FRAS1: variants seen among roughly 807,000 people sequenced by gnomAD.
The protein encoded by FRAS1 is extracellular matrix organizing protein FRAS1.
A neutral mutation model predicts 435.2 loss-of-function variants in FRAS1; 290 were observed. That is an observed-to-expected ratio of 0.67 (90% CI 0.61 to 0.73). The LOEUF is 0.73. Ranked by LOEUF, FRAS1 falls within the 30% of genes least tolerant of loss-of-function variation. FRAS1 has a pLI of 0.00. For synonymous variants in FRAS1, 1,800 were observed against 1,851.0 expected (o/e 0.97, Z 0.71); for missense variants, 4,860 against 5,001.5 (o/e 0.97, Z 0.85).
chr4:78,094,432 A>G (rs1195041362), intron 2 of FRAS1, among the ~76,000 whole-genome samples: 3 of 151,862 alleles, frequency 2.0e-5, no homozygotes, highest in Non-Finnish European at 4.4e-5. Flanking sequence ...GATATTTTGG[A>G]TCTTTTTTTC....
chr4:78,283,803 A>T (rs1038958678), intron 12 of FRAS1, among the ~76,000 whole-genome samples: 4 of 152,294 alleles, frequency 2.6e-5, no homozygotes, highest in African/African-American at 7.2e-5. Flanking sequence ...AACATTTAGC[A>T]TATTATTATG....
intron 20 of FRAS1, among the ~76,000 whole-genome samples, chr4:78,342,605 A>G (rs1219995807): frequency 6.6e-6 from 1 of 152,158 alleles, no homozygotes; most frequent in Non-Finnish European, 1.5e-5. Flanking sequence ...CCAAAGCCTG[A>G]GGTGCTTTCT....
At chr4:78,215,829 A>T (rs557221042) in intron 2 of FRAS1, among the ~76,000 whole-genome samples, 1 of 152,284 alleles carries the variant, frequency 6.6e-6, no homozygotes, top group South Asian at 2.1e-4. Context: ...TGTATTGACT[A>T]CATTTTGTTT....
chr4:78,437,520 A>G (rs537151151), intron 38 of FRAS1, among the ~76,000 whole-genome samples: 1 of 152,200 alleles, frequency 6.6e-6, no homozygotes, highest in Non-Finnish European at 1.5e-5. Context: ...AATATGGAAA[A>G]TTCAGTGATC....
chr4:78,182,190 A>G, intron 2 of FRAS1: 1 of 650,768 alleles, frequency 1.5e-6, no homozygotes, highest in Admixed American at 3.5e-5. Context: ...ATAGAATTAT[A>G]TTTGTAAGAA....
At chr4:78,174,545 G>T (rs1721684946) in intron 2 of FRAS1, among the ~76,000 whole-genome samples, 1 of 152,204 alleles carries the variant, frequency 6.6e-6, no homozygotes, top group Non-Finnish European at 1.5e-5. Flanking sequence ...AGTATGGAAG[G>T]GAGGGAAAAG....
intron 14 of FRAS1, among the ~76,000 whole-genome samples, chr4:78,292,646 C>T (rs369056): frequency 0.039 from 5,885 of 152,246 alleles, 359 homozygotes; most frequent in African/African-American, 0.13. Context: ...GGGTGGACCT[C>T]TTGACAATGG....
At chr4:78,318,752 G>T (rs1729376158) in intron 17 of FRAS1, 58 bp from the exon 18 acceptor site, 1 of 1,484,846 alleles carries the variant, frequency 6.7e-7, no homozygotes, top group South Asian at 1.4e-5. Flanking sequence ...TTTAATGAAA[G>T]ATTTGCAACA....
intron 54 of FRAS1, among the ~76,000 whole-genome samples, chr4:78,477,087 T>C (rs1719874821): frequency 6.6e-6 from 1 of 152,132 alleles, no homozygotes; most frequent in Non-Finnish European, 1.5e-5. Context: ...TGGGCTAAAT[T>C]GATTCACATT....
chr4:78,257,403 C>T (rs1725845026), intron 6 of FRAS1, among the ~76,000 whole-genome samples: 1 of 152,072 alleles, frequency 6.6e-6, no homozygotes, highest in South Asian at 2.1e-4. Flanking sequence ...TAACATCAAG[C>T]CTTCCAAGAA....
intron 2 of FRAS1, among the ~76,000 whole-genome samples, chr4:78,092,785 G>T (rs1741598034): frequency 6.6e-6 from 1 of 152,148 alleles, no homozygotes; most frequent in Non-Finnish European, 1.5e-5. Context: ...GCAAAATTTG[G>T]CACTTTTGCC....
At chr4:78,321,840 A>AG (rs959348784) in intron 18 of FRAS1, among the ~76,000 whole-genome samples, 2 of 141,466 alleles carry the variant, frequency 1.4e-5, no homozygotes, top group Admixed American at 1.4e-4. Flanking sequence ...AACTTCGTCA[A>AG]AAAAAAAAAA....
At chr4:78,265,464 G>A (rs1398089065) in intron 7 of FRAS1, among the ~76,000 whole-genome samples, 1 of 152,102 alleles carries the variant, frequency 6.6e-6, no homozygotes, top group Non-Finnish European at 1.5e-5. Context: ...TGGATTTTAT[G>A]CATTGACATC....
chr4:78,089,627 A>G (rs1180959785), intron 2 of FRAS1, among the ~76,000 whole-genome samples: 2 of 144,132 alleles, frequency 1.4e-5, no homozygotes, highest in Non-Finnish European at 3.1e-5. Context: ...TTGACTTCTC[A>G]TTTTGTTTAC....
intron 2 of FRAS1, among the ~76,000 whole-genome samples, chr4:78,157,402 G>C (rs1720941955): frequency 6.6e-6 from 1 of 152,154 alleles, no homozygotes. Flanking sequence ...ATTTCCAAAT[G>C]CTTTCCATAG....
intron 11 of FRAS1, 66 bp downstream of exon 11, chr4:78,281,499 A>G (rs1727330647): frequency 2.9e-6 from 3 of 1,024,084 alleles, no homozygotes; most frequent in Non-Finnish European, 4.2e-6. Context: ...GATCTGCATG[A>G]AATATCATGG....
At chr4:78,243,148 GACAT>G (rs1307095786) in intron 3 of FRAS1, among the ~76,000 whole-genome samples, 1 of 152,074 alleles carries the variant, frequency 6.6e-6, no homozygotes, top group Non-Finnish European at 1.5e-5. Context: ...AGATAATAAT[GACAT>G]TTACTTAATA....
chr4:78,452,317 G>A lies in FRAS1; in HGVS notation c.6726G>A (p.Gln2242=), dbSNP rs761562615. Reference sequence around the variant, plus strand: ...AATTGATCTACAGAATCACCAGACAGCCCCAGCTGGGCCACTTGGAACATG... The same window carrying A: ...AATTGATCTACAGAATCACCAGACAACCCCAGCTGGGCCACTTGGAACATG... ...PTELIYRITR[Q]PQLGHLEHAA... is the part of the protein sequence containing the mutation. The change falls in exon 47 of 74, where the codon CAG becomes CAA. Residue 2242 remains glutamine, a synonymous_variant. Coordinates refer to ENST00000512123, the MANE Select transcript of FRAS1 (RefSeq NM_025074.7). The A allele has an allele frequency of 2.3e-5, 37 of 1,610,102 alleles. No individual in the cohort carries two copies. The highest frequency in any genetic ancestry group is 3.1e-5 in the Non-Finnish European group (36 of 1,178,946).
intron 71 of FRAS1, among the ~76,000 whole-genome samples, chr4:78,535,864 C>T (rs1467720668): frequency 6.6e-6 from 1 of 152,100 alleles, no homozygotes. Context: ...TGTCTATGTC[C>T]CCAGGAGCCT....
Sources: allele counts gnomAD v4.1 joint callset (sites outside exome capture counted in the v4.1 genomes callset), GRCh38; gene constraint gnomAD v4.1.1; transcripts MANE v1.5; gene names NCBI Gene and HGNC (gene_info 2026-07-23, HGNC 2026-07-21).